ASIC2: variants seen among roughly 807,000 people sequenced by gnomAD.
The protein encoded by ASIC2 is acid sensing ion channel subunit 2, also known as acid-sensing ion channel 2.
A neutral mutation model predicts 57.3 loss-of-function variants in ASIC2; 25 were observed. The observed-to-expected ratio is 0.44, with a 90% confidence interval of 0.32 to 0.61. The LOEUF is 0.61. ASIC2 is among the 20% of genes least tolerant of loss of function. ASIC2 has a pLI of 0.06. For missense variants in ASIC2, 641 were observed against 738.1 expected, an observed-to-expected ratio of 0.87 and a Z score of 1.52; for synonymous variants, 319 against 307.5, an observed-to-expected ratio of 1.04 and a Z score of -0.39.
chr17:33,528,562 G>A (rs2141959341), intron 1 of ASIC2, among the ~76,000 whole-genome samples: 1 of 152,290 alleles, frequency 6.6e-6, no homozygotes, highest in Admixed American at 6.5e-5. Flanking sequence ...GATAATGGCG[G>A]CTGGTGAAGG....
intron 7 of ASIC2, among the ~76,000 whole-genome samples, chr17:33,020,751 A>C (rs571608895): frequency 6.6e-6 from 1 of 152,190 alleles, no homozygotes; most frequent in Admixed American, 6.5e-5. Flanking sequence ...TGGATGCAGC[A>C]ATGTTGCTTT....
intron 1 of ASIC2, among the ~76,000 whole-genome samples, chr17:33,992,415 C>T (rs11653025): frequency 0.67 from 101,890 of 152,050 alleles, 36,909 homozygotes; most frequent in Non-Finnish European, 0.82. Flanking sequence ...ATTCATTCAT[C>T]GAAACTCAGC....
At chr17:33,673,330 C>T (rs1363811800) in intron 1 of ASIC2, among the ~76,000 whole-genome samples, 1 of 152,170 alleles carries the variant, frequency 6.6e-6, no homozygotes, top group Non-Finnish European at 1.5e-5. Flanking sequence ...GGGCAAAGGG[C>T]TTGGGCTTTC....
intron 1 of ASIC2, among the ~76,000 whole-genome samples, chr17:33,598,748 G>A (rs957879601): frequency 6.6e-6 from 1 of 152,110 alleles, no homozygotes; most frequent in Non-Finnish European, 1.5e-5. Context: ...TACCAGTGCT[G>A]GGCTGTAAGA....
chr17:33,870,187 G>A (rs1914356347), intron 1 of ASIC2, among the ~76,000 whole-genome samples: 1 of 134,602 alleles, frequency 7.4e-6, no homozygotes, highest in Non-Finnish European at 1.5e-5. Context: ...AATGGACCAA[G>A]TCAAGCAAAG....
At chr17:33,211,542 A>C (rs1233143650) in intron 1 of ASIC2, among the ~76,000 whole-genome samples, 1 of 151,978 alleles carries the variant, frequency 6.6e-6, no homozygotes, top group Non-Finnish European at 1.5e-5. Flanking sequence ...AAATGAAAAA[A>C]AAAAAAAAAA....
chr17:33,309,609 C>T (rs1906325054), intron 1 of ASIC2, among the ~76,000 whole-genome samples: 1 of 152,248 alleles, frequency 6.6e-6, no homozygotes, highest in East Asian at 1.9e-4. Flanking sequence ...TCCCCTTCCT[C>T]CTCTCTTCTC....
chr17:33,150,334 C>G (rs111859884), intron 1 of ASIC2, among the ~76,000 whole-genome samples: 1 of 152,168 alleles, frequency 6.6e-6, no homozygotes, highest in Non-Finnish European at 1.5e-5. Flanking sequence ...TTCTTTGGCA[C>G]GGATGCCCTA....
At chr17:34,061,968 C>G (rs1467282874) in intron 1 of ASIC2, among the ~76,000 whole-genome samples, 6 of 152,132 alleles carry the variant, frequency 3.9e-5, no homozygotes, top group African/African-American at 1.4e-4. Context: ...GACAGGTCAT[C>G]AAGACAGAAA....
intron 1 of ASIC2, among the ~76,000 whole-genome samples, chr17:33,592,764 G>C (rs1904864583): frequency 1.3e-5 from 2 of 152,130 alleles, no homozygotes; most frequent in Admixed American, 1.3e-4. Flanking sequence ...GAGACAGAAG[G>C]TCAAGTAGCA....
At chr17:33,088,184 C>T (rs2092142672) in intron 3 of ASIC2, among the ~76,000 whole-genome samples, 1 of 152,212 alleles carries the variant, frequency 6.6e-6, no homozygotes, top group Non-Finnish European at 1.5e-5. Context: ...AACAAGTATT[C>T]AGGAGATAAA....
chr17:33,358,050 T>G (rs1908454243), intron 1 of ASIC2, among the ~76,000 whole-genome samples: 1 of 152,184 alleles, frequency 6.6e-6, no homozygotes, highest in Admixed American at 6.5e-5. Flanking sequence ...AATCATATAT[T>G]CTGGATCTGG....
chr17:33,850,301 A>G (rs1312778937), intron 1 of ASIC2, among the ~76,000 whole-genome samples: 1 of 152,216 alleles, frequency 6.6e-6, no homozygotes, highest in Non-Finnish European at 1.5e-5. Flanking sequence ...GTCAAAAATA[A>G]AATAAAGTAA....
At chr17:33,115,863 A>G (rs1210066580) in intron 1 of ASIC2, among the ~76,000 whole-genome samples, 1 of 152,160 alleles carries the variant, frequency 6.6e-6, no homozygotes, top group Non-Finnish European at 1.5e-5. Context: ...TGAATGAATG[A>G]ATGAGAGTCA....
At chr17:33,462,767 A>G (rs1317075515) in intron 1 of ASIC2, among the ~76,000 whole-genome samples, 2 of 152,210 alleles carry the variant, frequency 1.3e-5, no homozygotes, top group African/African-American at 2.4e-5. Context: ...AGGTAAATGA[A>G]ACATTGAATT....
At position 33,415,261 on chromosome 17, in the gene ASIC2, G is replaced by C. The variant is rs145861203; in HGVS notation, c.556-303194C>G. On this transcript the variant is annotated intron_variant, in intron 1 of 9. Transcript: ENST00000359872. ...CACCTCAGGGACATCAAAATCTGTCGATGCTCGAATCTAATATGGAATAAC... is the reference window on the plus strand; with the variant it reads ...CACCTCAGGGACATCAAAATCTGTCCATGCTCGAATCTAATATGGAATAAC... Among the ~76,000 whole-genome samples, 327 of 152,256 alleles carry C rather than the reference G, an allele frequency of 2.1e-3. 2 individuals carry two copies. Among genetic ancestry groups the C allele is most frequent in the African/African-American group, 7.5e-3 (310 of 41,536 alleles).
intron 1 of ASIC2, among the ~76,000 whole-genome samples, chr17:33,647,905 C>G (rs1250372540): frequency 2.0e-5 from 3 of 152,160 alleles, no homozygotes; most frequent in Admixed American, 2.0e-4. Flanking sequence ...CTTTCTTACT[C>G]CTGCCTCCCT....
chr17:33,184,465 T>A (rs1239050432), intron 1 of ASIC2, among the ~76,000 whole-genome samples: 1 of 152,042 alleles, frequency 6.6e-6, no homozygotes, highest in South Asian at 2.1e-4. Context: ...AAACGGAACT[T>A]TCTCCATGAC....
At chr17:33,381,481 C>T (rs959315439) in intron 1 of ASIC2, among the ~76,000 whole-genome samples, 1 of 152,228 alleles carries the variant, frequency 6.6e-6, no homozygotes, top group Non-Finnish European at 1.5e-5. Context: ...GCAGCATCTG[C>T]CTGTGTGCTT....
Sources: gnomAD v4.1 joint callset for allele counts (sites outside exome capture counted in the v4.1 genomes callset) on GRCh38, gnomAD v4.1.1 for gene constraint, MANE v1.5 for transcripts, NCBI Gene and HGNC (gene_info 2026-07-23, HGNC 2026-07-21) for gene names.